Variants in GALNT10 observed in about 807,000 individuals in gnomAD.
The protein encoded by GALNT10 is polypeptide N-acetylgalactosaminyltransferase 10.
Under a neutral mutation model 75.0 loss-of-function variants are expected in GALNT10, and 41 were observed. The observed-to-expected ratio is 0.55, with a 90% CI of 0.43 to 0.71. The LOEUF (loss-of-function observed/expected upper bound fraction) is 0.71. Ranked by LOEUF, GALNT10 falls within the 30% of genes least tolerant of loss-of-function variation. The pLI, the probability that GALNT10 is intolerant of heterozygous loss-of-function variation, is 0.00. For synonymous variants in GALNT10, 302 were observed against 313.0 expected, an observed-to-expected ratio of 0.96 and a Z score of 0.37; for missense variants, 727 against 818.5, an observed-to-expected ratio of 0.89 and a Z score of 1.36.
chr5:154,375,712 C>G (rs974442137), intron 4 of GALNT10, among the ~76,000 whole-genome samples: 1 of 152,224 alleles, frequency 6.6e-6, no homozygotes, highest in Non-Finnish European at 1.5e-5. Context: ...TGGCTCCAAA[C>G]TTAGGGCCAA....
intron 1 of GALNT10, among the ~76,000 whole-genome samples, chr5:154,234,146 G>A (rs1753208023): frequency 6.6e-6 from 1 of 152,172 alleles, no homozygotes; most frequent in Non-Finnish European, 1.5e-5. Context: ...TTCTGTGGTG[G>A]GAAAGTTGAG....
chr5:154,321,726 A>T (rs1754677651), intron 3 of GALNT10, among the ~76,000 whole-genome samples: 1 of 152,040 alleles, frequency 6.6e-6, no homozygotes, highest in East Asian at 1.9e-4. Flanking sequence ...AGCTAACATG[A>T]GGGAATGAAA....
At chr5:154,243,441 A>T (rs1226909303) in intron 1 of GALNT10, among the ~76,000 whole-genome samples, 1 of 152,192 alleles carries the variant, frequency 6.6e-6, no homozygotes. Flanking sequence ...CACATAAGCA[A>T]CTTTCCCTTT....
Position 154,420,117 on chromosome 5 carries a change from A to C in GALNT10, c.*3145A>C, listed in dbSNP as rs1756599361. The C allele has an allele frequency of 6.6e-6, 1 of 152,242 alleles. No homozygotes were observed. The allele number at this position is 152,242 out of a possible 1,614,324, so 9.4% of individuals were successfully genotyped here. ...CCAGTTGGAGCTTTCAGCTGTTAAA[A>C]CAGTCAGAAACTATTGATTCTTCCC... On this transcript the variant is annotated 3_prime_UTR_variant, in exon 12 of 12. Coordinates refer to ENST00000297107, the MANE Select transcript of GALNT10 (RefSeq NM_198321.4).
At chr5:154,391,587 A>G (rs1755897832) in intron 7 of GALNT10, among the ~76,000 whole-genome samples, 1 of 152,198 alleles carries the variant, frequency 6.6e-6, no homozygotes, top group South Asian at 2.1e-4. Context: ...AGCTGGCCCT[A>G]CTGCTCTCTC....
chr5:154,241,276 A>T (rs912721237), intron 1 of GALNT10, among the ~76,000 whole-genome samples: 10 of 152,188 alleles, frequency 6.6e-5, no homozygotes, highest in Admixed American at 6.5e-5. Context: ...GCTGAGGGGC[A>T]GAGCTGTGGG....
chr5:154,365,521 C>T (rs1755462096), intron 4 of GALNT10, among the ~76,000 whole-genome samples: 1 of 152,216 alleles, frequency 6.6e-6, no homozygotes, highest in African/African-American at 2.4e-5. Flanking sequence ...CCAACATGAG[C>T]TGTTTGATCT....
At chr5:154,218,371 C>A (rs1020761058) in intron 1 of GALNT10, among the ~76,000 whole-genome samples, 1 of 152,110 alleles carries the variant, frequency 6.6e-6, no homozygotes, top group African/African-American at 2.4e-5. Flanking sequence ...AGTGAAGAGC[C>A]GTGGAATGAA....
chr5:154,216,788 A>G (rs1752880570), intron 1 of GALNT10, among the ~76,000 whole-genome samples: 2 of 152,062 alleles, frequency 1.3e-5, no homozygotes, highest in Admixed American at 1.3e-4. Flanking sequence ...ATATAACAAG[A>G]TCGTATTTGC....
chr5:154,284,182 C>A (rs889908161), intron 1 of GALNT10, among the ~76,000 whole-genome samples: 1 of 152,196 alleles, frequency 6.6e-6, no homozygotes, highest in Non-Finnish European at 1.5e-5. Flanking sequence ...CTCATAATAA[C>A]CTTTATGCTA....
chr5:154,273,388 G>T (rs1358176803), intron 1 of GALNT10, among the ~76,000 whole-genome samples: 1 of 152,204 alleles, frequency 6.6e-6, no homozygotes, highest in African/African-American at 2.4e-5. Context: ...TTCCTGTTCA[G>T]GGAGTGAGGC....
intron 8 of GALNT10, chr5:154,406,356 G>A (rs751894344): frequency 3.9e-5 from 6 of 152,248 alleles, no homozygotes; most frequent in African/African-American, 7.2e-5. Context: ...TCTGAGTGGT[G>A]CCTCATGGCT....
intron 4 of GALNT10, among the ~76,000 whole-genome samples, chr5:154,346,324 G>A (rs1187538584): frequency 6.6e-6 from 1 of 152,120 alleles, no homozygotes; most frequent in Non-Finnish European, 1.5e-5. Flanking sequence ...ATCCAGAAAT[G>A]AGATTGCTGG....
At chr5:154,193,177 CTGAT>C (rs1444134057) in intron 1 of GALNT10, among the ~76,000 whole-genome samples, 1 of 152,172 alleles carries the variant, frequency 6.6e-6, no homozygotes, top group Non-Finnish European at 1.5e-5. Flanking sequence ...GGAATACCAA[CTGAT>C]TATTCTTGCT....
chr5:154,380,898 T>C (rs993380374), intron 6 of GALNT10, among the ~76,000 whole-genome samples: 2 of 152,064 alleles, frequency 1.3e-5, no homozygotes, highest in African/African-American at 4.8e-5. Flanking sequence ...GGTGAGTGGG[T>C]CTCTCATGCT....
chr5:154,222,862 T>C (rs932081812), intron 1 of GALNT10, among the ~76,000 whole-genome samples: 14 of 152,222 alleles, frequency 9.2e-5, no homozygotes, highest in Non-Finnish European at 1.9e-4. Context: ...TAATATATGT[T>C]TTGTGAATAT....
In GALNT10 at chr5:154,402,042, A is replaced by G. The variant is rs1219142812; in HGVS notation, c.1057-2062A>G. 6.6e-6 allele frequency among the ~76,000 whole-genome samples: 1 copy of G among 152,102 alleles called. No individual in the cohort carries two copies. The highest frequency in any genetic ancestry group is 1.5e-5 in the Non-Finnish European group (1 of 68,022). On this transcript the variant is annotated intron_variant, in intron 7 of 11. Coordinates refer to ENST00000297107, the MANE Select transcript of GALNT10 (RefSeq NM_198321.4). This position sits in a 1 kb window ranked among gnomAD's most constrained non-coding sequence, Gnocchi z 4.2. The stretch of plus-strand genomic sequence containing the variant: ...GGTCTCATATCAGGACGACTGCAAG[A>G]GCCTCCCGGGCCTACTCTCCCTGAG...
chr5:154,311,009 G>C (rs1333501384), intron 3 of GALNT10, among the ~76,000 whole-genome samples: 1 of 152,196 alleles, frequency 6.6e-6, no homozygotes, highest in Non-Finnish European at 1.5e-5. Flanking sequence ...AGTTGAAATT[G>C]TGAAGATAAA....
chr5:154,294,733 AGCTCCC>A (rs1754247597), intron 1 of GALNT10, 77 bp from the exon 2 acceptor site: 7 of 720,312 alleles, frequency 9.7e-6, no homozygotes, highest in Admixed American at 4.5e-5. Context: ...GTCAATACAA[AGCTCCC>A]TTAGGCAGTG....
Sources: gnomAD v4.1 joint callset for allele counts (sites outside exome capture counted in the v4.1 genomes callset) on GRCh38, gnomAD v4.1.1 for gene constraint, Gnocchi (gnomAD v3.1) non-coding constraint, MANE v1.5 for transcripts, NCBI Gene and HGNC (gene_info 2026-07-23, HGNC 2026-07-21) for gene names.